Variants in MYOZ2 observed in about 807,000 individuals in gnomAD.
The protein encoded by MYOZ2 is myozenin 2.
In MYOZ2, 19 loss-of-function variants were observed where a neutral mutation model predicts 25.4. The ratio of observed to expected loss-of-function variants is 0.75; its 90% CI spans 0.52 to 1.10. MYOZ2 has a LOEUF of 1.10. MYOZ2 is among the 50% of genes least tolerant of loss of function. The pLI, the probability that MYOZ2 is intolerant of heterozygous loss-of-function variation, is 0.00. For synonymous variants in MYOZ2, 92 were observed against 106.9 expected (o/e 0.86, Z 0.86); for missense variants, 270 against 317.9 (o/e 0.85, Z 1.15).
rs561367645 is a variant in MYOZ2, at chr4:119,180,564, TA to T, written c.561-5401del. On this transcript the variant is annotated intron_variant, in intron 5 of 5. Transcript: ENST00000307128. ...TGTATTTAATTTTCATGATCACATA[TA>T]TTTTTTTGAGATGGAATTTTGCTCG... 1.8e-4 allele frequency among the ~76,000 whole-genome samples: 28 copies of T among 152,332 alleles called. 1 individual carries two copies. The South Asian group carries it at 5.4e-3, about 29-fold the overall frequency.
chr4:119,147,916 C>A (rs1741343448), intron 2 of MYOZ2, among the ~76,000 whole-genome samples: 1 of 152,100 alleles, frequency 6.6e-6, no homozygotes, highest in African/African-American at 2.4e-5. Flanking sequence ...TTGTATATAG[C>A]TATATTTCTG....
intron 2 of MYOZ2, among the ~76,000 whole-genome samples, chr4:119,138,769 A>G (rs551999304): frequency 8.5e-5 from 13 of 152,252 alleles, no homozygotes; most frequent in African/African-American, 3.1e-4. Flanking sequence ...ACTACTTACC[A>G]AAACATTTAG....
At chr4:119,173,904 G>A (rs901786120) in intron 5 of MYOZ2, among the ~76,000 whole-genome samples, 5 of 152,216 alleles carry the variant, frequency 3.3e-5, no homozygotes, top group South Asian at 4.1e-4. Context: ...CTGCCGGCCC[G>A]GGGCAATGAG....
chr4:119,156,401 A>C (rs1164463730), intron 3 of MYOZ2, among the ~76,000 whole-genome samples: 1 of 151,786 alleles, frequency 6.6e-6, no homozygotes, highest in Non-Finnish European at 1.5e-5. Context: ...AACTGATGAG[A>C]CTAGGTAGGC....
chr4:119,182,878 CT>C lies in MYOZ2; in HGVS notation c.561-3083del, dbSNP rs1224617052. 9.9e-5 allele frequency among the ~76,000 whole-genome samples: 15 copies of C among 152,180 alleles called. No individual in the cohort carries two copies. In the East Asian group the frequency reaches 2.7e-3, roughly 27 times the overall value. The stretch of plus-strand genomic sequence containing the variant: ...ACAAATGAAATTGAATATGACTTTC[CT>C]TTTTACAGACTAAAATCTGTTTGGG... On this transcript the variant is annotated intron_variant, in intron 5 of 5. Coordinates refer to ENST00000307128, the MANE Select transcript of MYOZ2 (RefSeq NM_016599.5).
chr4:119,149,035 T>C (rs1741382647), intron 2 of MYOZ2, among the ~76,000 whole-genome samples: 1 of 152,196 alleles, frequency 6.6e-6, no homozygotes, highest in Non-Finnish European at 1.5e-5. Flanking sequence ...TGTTCTGAGA[T>C]GCTTGCTCTT....
intron 3 of MYOZ2, among the ~76,000 whole-genome samples, chr4:119,156,464 G>T (rs1164017325): frequency 5.3e-5 from 8 of 152,174 alleles, no homozygotes; most frequent in African/African-American, 1.9e-4. Flanking sequence ...GCAATAAAGT[G>T]TGAACATGAT....
Position 119,185,958 on chromosome 4 carries a change from TCCC to T in MYOZ2, c.561-7_561-5del. On this transcript the variant is annotated splice_polypyrimidine_tract_variant and splice_region_variant and intron_variant, in intron 5 of 5. Transcript: ENST00000307128. The stretch of plus-strand genomic sequence containing the variant: ...ATTGAGATCTGTTTTTTTTTTAATT[TCCC>T]ACAGGGTTGCCACACCATTTGGAGG... The T allele has an allele frequency of 6.2e-7, 1 of 1,605,818 alleles. No individual in the cohort carries two copies. Among genetic ancestry groups the T allele is most frequent in the Non-Finnish European group, 8.5e-7 (1 of 1,174,322 alleles).
chr4:119,176,439 T>G (rs1468251953), intron 5 of MYOZ2, among the ~76,000 whole-genome samples: 1 of 152,170 alleles, frequency 6.6e-6, no homozygotes, highest in Non-Finnish European at 1.5e-5. Context: ...GCCAGGCTGG[T>G]CTTGAGCTCC....
At chr4:119,151,122 A>T (rs1741441576) in intron 3 of MYOZ2, 81 bp downstream of exon 3, 1 of 1,345,704 alleles carries the variant, frequency 7.4e-7, no homozygotes, top group African/African-American at 1.4e-5. Flanking sequence ...TTCTGAAGGA[A>T]GTATTCTATA....
intron 1 of MYOZ2, 42 bp from the exon 2 acceptor site, chr4:119,136,470 G>A: frequency 1.3e-6 from 2 of 1,521,508 alleles, no homozygotes; most frequent in South Asian, 2.3e-5. Context: ...CTCCAAATGA[G>A]TTCTTCACAT....
chr4:119,149,415 G>C (rs1285152420), intron 2 of MYOZ2, among the ~76,000 whole-genome samples: 1 of 152,216 alleles, frequency 6.6e-6, no homozygotes, highest in Non-Finnish European at 1.5e-5. Flanking sequence ...TTCTGTGGTG[G>C]TTGGCTAAAG....
chr4:119,186,131 G>T lies in MYOZ2; in HGVS notation c.726G>T (p.Glu242Asp). The T allele has an allele frequency of 1.2e-6, 2 of 1,613,982 alleles. No homozygotes were observed. Among genetic ancestry groups the T allele is most frequent in the Non-Finnish European group, 1.7e-6 (2 of 1,179,972 alleles). ...FNRTPKGWIS[E>D]NIPIVITTEP... Reference sequence around the variant, plus strand: ...GGACTCCTAAGGGATGGATATCTGAGAATATTCCTATAGTGATAACAACCG... The same window carrying T: ...GGACTCCTAAGGGATGGATATCTGATAATATTCCTATAGTGATAACAACCG... The change falls in exon 6 of 6, where the codon GAG becomes GAT. Residue 242 changes from glutamate to aspartate, a missense_variant. Physicochemically the swap from Glu to Asp is conservative, Grantham distance 45. Coordinates refer to ENST00000307128, the MANE Select transcript of MYOZ2 (RefSeq NM_016599.5).
intron 2 of MYOZ2, among the ~76,000 whole-genome samples, chr4:119,140,057 G>A (rs969798297): frequency 2.6e-5 from 4 of 152,142 alleles, no homozygotes; most frequent in African/African-American, 4.8e-5. Flanking sequence ...GGTTCCAGAC[G>A]AGACATCAGA....
chr4:119,155,075 A>G (rs906321900), intron 3 of MYOZ2, among the ~76,000 whole-genome samples: 6 of 152,168 alleles, frequency 3.9e-5, no homozygotes, highest in Non-Finnish European at 8.8e-5. Context: ...GGGAGTTGGC[A>G]TCACATGGTG....
chr4:119,180,766 G>C (rs1446871846), intron 5 of MYOZ2, among the ~76,000 whole-genome samples: 2 of 152,146 alleles, frequency 1.3e-5, no homozygotes, highest in Non-Finnish European at 2.9e-5. Flanking sequence ...ATGTTGGCCA[G>C]GCTGGTTTCG....
intron 5 of MYOZ2, among the ~76,000 whole-genome samples, chr4:119,167,363 G>T (rs555925854): frequency 3.2e-4 from 48 of 152,322 alleles, no homozygotes; most frequent in African/African-American, 1.2e-3. Flanking sequence ...CTTTATGAAG[G>T]CTTAGAGAGA....
In MYOZ2 at chr4:119,151,049, T is replaced by C; in HGVS notation, c.246+8T>C. The C allele has an allele frequency of 6.2e-7, 1 of 1,601,596 alleles. No homozygotes were observed. Among genetic ancestry groups the C allele is most frequent in the Non-Finnish European group, 8.6e-7 (1 of 1,168,856 alleles). On this transcript the variant is annotated splice_region_variant and intron_variant, in intron 3 of 5. Transcript: ENST00000307128. ...TCTAGAGCACAAATAAATGTAGGTA[T>C]AACTTGAACAGGTAGTATCCAAATG...
chr4:119,178,593 A>G (rs924244718), intron 5 of MYOZ2, among the ~76,000 whole-genome samples: 1 of 151,964 alleles, frequency 6.6e-6, no homozygotes, highest in African/African-American at 2.4e-5. Flanking sequence ...GCAACATCCT[A>G]TTAGGTCTAT....
Sources: gnomAD v4.1 joint callset for allele counts (sites outside exome capture counted in the v4.1 genomes callset) on GRCh38, gnomAD v4.1.1 for gene constraint, MANE v1.5 for transcripts, NCBI Gene and HGNC (gene_info 2026-07-23, HGNC 2026-07-21) for gene names.